The following VEPH1 variants were observed in gnomAD, a reference collection of about 807,000 sequenced individuals.
The protein encoded by VEPH1 is ventricular zone expressed PH domain containing 1, also known as ventricular zone-expressed PH domain-containing protein homolog 1.
A neutral mutation model predicts 85.2 loss-of-function variants in VEPH1; 80 were observed. That is an observed-to-expected ratio of 0.94 (90% CI 0.78 to 1.13). The LOEUF (loss-of-function observed/expected upper bound fraction) is 1.13, where lower values mean the gene tolerates loss of function less well. Among genes scored for constraint, VEPH1 ranks in the 50% most tolerant of loss-of-function variants. The probability of loss-of-function intolerance (pLI) is 0.00; values close to 1 mark genes in which losing one functional copy is unlikely to be tolerated. For synonymous variants in VEPH1, 297 were observed against 348.0 expected (o/e 0.85, Z 1.63); for missense variants, 955 against 980.5 (o/e 0.97, Z 0.35).
chr3:157,265,554 T>C lies in VEPH1; in HGVS notation c.2237A>G (p.Asn746Ser), dbSNP rs1481102374. Residue 746 changes from asparagine to serine, a missense_variant, in exon 13 of 14, where the codon AAT becomes AGT. Transcript: ENST00000362010. ...WKTRYFTLAG[N>S]QLLFQKGKSK... is the part of the protein sequence containing the mutation. ...CTTTCCTTTTTGAAACAGAAGTTGATTTCCAGCCAGTGTAAAATAGCGTGT... is the reference window on the plus strand; with the variant it reads ...CTTTCCTTTTTGAAACAGAAGTTGACTTCCAGCCAGTGTAAAATAGCGTGT... 1 of 1,612,952 alleles carries C rather than the reference T, an allele frequency of 6.2e-7. No individual in the cohort carries two copies. The highest frequency in any genetic ancestry group is 2.2e-5 in the East Asian group (1 of 44,836).
At chr3:157,442,378 C>G (rs1303720985) in intron 4 of VEPH1, 1 of 1,607,206 alleles carries the variant, frequency 6.2e-7, no homozygotes, top group Non-Finnish European at 8.5e-7. Flanking sequence ...TGTGAAACAG[C>G]TATTTTATTC....
At position 157,342,554 on chromosome 3, in the gene VEPH1, T is replaced by C. The variant is rs568670505; in HGVS notation, c.1735+20810A>G. 3.9e-5 allele frequency among the ~76,000 whole-genome samples: 6 copies of C among 152,264 alleles called. No individual in the cohort carries two copies. In the East Asian group the frequency reaches 1.2e-3, roughly 29 times the overall value. ...AGTCCTGAGTGACCTACAAATAGAC[T>C]TAGACTCCCACACAATAATAATGGG... On this transcript the variant is annotated intron_variant, in intron 9 of 13. Coordinates refer to ENST00000362010, the MANE Select transcript of VEPH1 (RefSeq NM_001167912.2).
intron 2 of VEPH1, among the ~76,000 whole-genome samples, chr3:157,473,160 C>T (rs1217448541): frequency 1.3e-5 from 2 of 149,524 alleles, no homozygotes; most frequent in Admixed American, 1.3e-4. Flanking sequence ...GCCACTTCCG[C>T]CTCTGGGGTT....
At chr3:157,279,022 A>C (rs1715742083) in intron 12 of VEPH1, among the ~76,000 whole-genome samples, 1 of 152,220 alleles carries the variant, frequency 6.6e-6, no homozygotes, top group African/African-American at 2.4e-5. Context: ...ATCTTAAAAA[A>C]TAAAACAAAA....
At chr3:157,367,393 A>G (rs965979750) in intron 7 of VEPH1, among the ~76,000 whole-genome samples, 1 of 152,204 alleles carries the variant, frequency 6.6e-6, no homozygotes, top group African/African-American at 2.4e-5. Context: ...TATTTTACAA[A>G]CCATGATGAT....
chr3:157,286,349 AT>A, intron 12 of VEPH1: 1 of 596,102 alleles, frequency 1.7e-6, no homozygotes, highest in Non-Finnish European at 3.0e-6. Context: ...TAGGTAAGGG[AT>A]TGTTTCTCTG....
At chr3:157,334,138 A>C (rs1189543530) in intron 9 of VEPH1, among the ~76,000 whole-genome samples, 1 of 152,072 alleles carries the variant, frequency 6.6e-6, no homozygotes, top group Admixed American at 6.5e-5. Flanking sequence ...AGCAACTACT[A>C]ACTAAGCCTG....
At chr3:157,369,791 CA>C (rs1343566575) in intron 7 of VEPH1, among the ~76,000 whole-genome samples, 1 of 151,990 alleles carries the variant, frequency 6.6e-6, no homozygotes, top group African/African-American at 2.4e-5. Context: ...AGTTTTTGAA[CA>C]AAAAGTTCAA....
chr3:157,384,133 G>A (rs943893913), intron 6 of VEPH1, among the ~76,000 whole-genome samples: 2 of 152,166 alleles, frequency 1.3e-5, no homozygotes, highest in African/African-American at 4.8e-5. Context: ...TTTGTAAAAT[G>A]TATAGTGTGT....
intron 4 of VEPH1, among the ~76,000 whole-genome samples, chr3:157,440,311 A>G (rs920677220): frequency 7.2e-5 from 11 of 152,234 alleles, no homozygotes; most frequent in African/African-American, 2.4e-4. Context: ...CTGAATGCCA[A>G]TATTTTATTT....
intron 6 of VEPH1, among the ~76,000 whole-genome samples, chr3:157,407,016 C>T (rs1731191115): frequency 6.6e-6 from 1 of 151,610 alleles, no homozygotes; most frequent in Admixed American, 6.6e-5. Flanking sequence ...AAAATCAATG[C>T]CATTCCTAAA....
Position 157,495,231 on chromosome 3 carries a change from T to C in VEPH1, c.119A>G (p.Lys40Arg). The change falls in exon 2 of 14, where the codon AAG becomes AGG. Residue 40 changes from lysine to arginine, a missense_variant. By Grantham distance (26) the Lys-to-Arg change is conservative (BLOSUM62 2). Coordinates refer to ENST00000362010, the MANE Select transcript of VEPH1 (RefSeq NM_001167912.2). ...DSLTEALEQI[K>R]IISSSSDYQT... ...ACTTACTGAAGATGAGCTAATTATC[T>C]TAATTTGCTCCAAAGCTTCTGTAAG... 1.9e-6 allele frequency: 3 copies of C among 1,613,982 alleles called. No homozygotes were observed. Among genetic ancestry groups the C allele is most frequent in the Non-Finnish European group, 1.7e-6 (2 of 1,179,886 alleles).
At chr3:157,422,174 AAGTGACCCAGCT>A (rs1732395513) in intron 5 of VEPH1, among the ~76,000 whole-genome samples, 2 of 152,278 alleles carry the variant, frequency 1.3e-5, no homozygotes, top group South Asian at 4.1e-4. Flanking sequence ...GGCTTTGGGA[AAGTGACCCAGCT>A]AGTGTGAGGC....
At chr3:157,450,552 C>T (rs1307759642) in intron 4 of VEPH1, among the ~76,000 whole-genome samples, 1 of 150,726 alleles carries the variant, frequency 6.6e-6, no homozygotes, top group African/African-American at 2.4e-5. Flanking sequence ...TCTACTGTTC[C>T]ACTATATGTA....
intron 6 of VEPH1, among the ~76,000 whole-genome samples, chr3:157,389,118 T>TTTTGTTTAA (rs1313896092): frequency 2.6e-5 from 4 of 152,206 alleles, no homozygotes; most frequent in African/African-American, 9.6e-5. Flanking sequence ...ATAACATTGT[T>TTTTGTTTAA]ATATGTGTGT....
intron 11 of VEPH1, among the ~76,000 whole-genome samples, chr3:157,298,062 T>C (rs1299114994): frequency 1.3e-5 from 2 of 152,196 alleles, no homozygotes; most frequent in Non-Finnish European, 2.9e-5. Flanking sequence ...CAAAGATATC[T>C]ACACACAGAA....
At chr3:157,440,510 T>G (rs1280200597) in intron 4 of VEPH1, among the ~76,000 whole-genome samples, 1 of 152,192 alleles carries the variant, frequency 6.6e-6, no homozygotes, top group East Asian at 1.9e-4. Flanking sequence ...TTCAAAGCTG[T>G]CTTATGGCAT....
intron 11 of VEPH1, among the ~76,000 whole-genome samples, chr3:157,311,638 T>C (rs1720123781): frequency 6.6e-6 from 1 of 152,240 alleles, no homozygotes; most frequent in South Asian, 2.1e-4. Flanking sequence ...AAATGTTTAT[T>C]AGCATGAAAC....
chr3:157,495,583 G>GGA, intron 1 of VEPH1, 77 bp from the exon 2 acceptor site: 3 of 910,830 alleles, frequency 3.3e-6, no homozygotes, highest in South Asian at 3.9e-5. Flanking sequence ...AGTGTCCAGC[G>GGA]GAGAGAGAGA....
Sources: gnomAD v4.1 joint callset for allele counts (sites outside exome capture counted in the v4.1 genomes callset) on GRCh38, gnomAD v4.1.1 for gene constraint, MANE v1.5 for transcripts, NCBI Gene and HGNC (gene_info 2026-07-23, HGNC 2026-07-21) for gene names.